DAB1: variants seen among roughly 807,000 people sequenced by gnomAD.
The protein encoded by DAB1 is DAB adaptor protein 1.
In DAB1, 15 loss-of-function variants were observed where a neutral mutation model predicts 64.6. That is an observed-to-expected ratio of 0.23 (90% CI 0.16 to 0.36). The LOEUF (loss-of-function observed/expected upper bound fraction) is 0.36. Among genes scored for constraint, DAB1 ranks in the 10% least tolerant of loss-of-function variants. The pLI is 1.00. For missense variants in DAB1, 596 were observed against 706.7 expected, an observed-to-expected ratio of 0.84 and a Z score of 1.78; for synonymous variants, 235 against 251.9, an observed-to-expected ratio of 0.93 and a Z score of 0.64.
At chr1:57,766,713 C>G (rs544998275) in intron 6 of DAB1, among the ~76,000 whole-genome samples, 10 of 151,856 alleles carry the variant, frequency 6.6e-5, no homozygotes, top group African/African-American at 2.2e-4. Flanking sequence ...ACACTCACTA[C>G]CTGGAGTTAG....
intron 3 of DAB1, among the ~76,000 whole-genome samples, chr1:58,439,003 G>C (rs572343124): frequency 1.3e-5 from 2 of 152,228 alleles, no homozygotes; most frequent in South Asian, 4.1e-4. Flanking sequence ...GGACTGCGAG[G>C]GGGTGGGGGC....
At chr1:57,271,100 T>C (rs911175155) in intron 2 of DAB1, among the ~76,000 whole-genome samples, 2 of 152,106 alleles carry the variant, frequency 1.3e-5, no homozygotes, top group Non-Finnish European at 2.9e-5. Flanking sequence ...ACCATCCAGT[T>C]GGTGTAAGCA....
chr1:57,052,697 C>T (rs1280863034), intron 9 of DAB1, among the ~76,000 whole-genome samples: 2 of 152,064 alleles, frequency 1.3e-5, no homozygotes, highest in African/African-American at 4.8e-5. Context: ...AACATGGTGA[C>T]AAATGGAATT....
At chr1:57,590,432 G>A (rs1372988769) in intron 7 of DAB1, among the ~76,000 whole-genome samples, 1 of 151,916 alleles carries the variant, frequency 6.6e-6, no homozygotes, top group Non-Finnish European at 1.5e-5. Flanking sequence ...CGATTCTCCT[G>A]CCTCAGCCTC....
chr1:57,158,264 T>C (rs72672660), intron 2 of DAB1, among the ~76,000 whole-genome samples: 12,530 of 152,220 alleles, frequency 0.082, 599 homozygotes, highest in Non-Finnish European at 0.11. Flanking sequence ...AAGCTAACCA[T>C]AGCAAAGTTG....
intron 1 of DAB1, among the ~76,000 whole-genome samples, chr1:58,527,730 A>G (rs1487105979): frequency 6.6e-6 from 1 of 152,198 alleles, no homozygotes; most frequent in Non-Finnish European, 1.5e-5. Flanking sequence ...ACGTAGGCAT[A>G]TAATATCCAA....
At chr1:58,539,189 G>A (rs181552885) in intron 1 of DAB1, 30 of 872,888 alleles carry the variant, frequency 3.4e-5, no homozygotes, top group Middle Eastern at 2.2e-4. Flanking sequence ...TGACAGCCCC[G>A]TGAGGTGGAT....
At chr1:57,827,694 T>C (rs1652411710) in intron 1 of DAB1, among the ~76,000 whole-genome samples, 1 of 152,162 alleles carries the variant, frequency 6.6e-6, no homozygotes, top group Admixed American at 6.5e-5. Context: ...TAAAGAGCCA[T>C]GTCTTCCACC....
intron 4 of DAB1, among the ~76,000 whole-genome samples, chr1:57,115,259 G>A: frequency 6.6e-6 from 1 of 152,174 alleles, no homozygotes; most frequent in East Asian, 1.9e-4. Context: ...TTTGTATCCT[G>A]AACAAGTTAC....
chr1:57,095,855 G>A (rs940641345), intron 4 of DAB1, among the ~76,000 whole-genome samples: 1 of 152,210 alleles, frequency 6.6e-6, no homozygotes, highest in African/African-American at 2.4e-5. Context: ...TAGCCTATAT[G>A]TAATTTGTTA....
At chr1:57,092,220 C>T (rs1050910740) in intron 4 of DAB1, among the ~76,000 whole-genome samples, 5 of 152,204 alleles carry the variant, frequency 3.3e-5, no homozygotes, top group Admixed American at 6.5e-5. Flanking sequence ...CTACTTCCTG[C>T]GTTTCAAGCA....
intron 2 of DAB1, among the ~76,000 whole-genome samples, chr1:58,522,015 C>T (rs934434741): frequency 3.3e-5 from 5 of 152,094 alleles, no homozygotes; most frequent in African/African-American, 1.2e-4. Context: ...CTAAACTAAG[C>T]ATTAAACCAA....
intron 4 of DAB1, among the ~76,000 whole-genome samples, chr1:58,296,932 A>T (rs1246788301): frequency 3.3e-5 from 5 of 152,190 alleles, no homozygotes; most frequent in Admixed American, 3.3e-4. Flanking sequence ...AATTAATTAA[A>T]ATGTTTCAGA....
intron 5 of DAB1, among the ~76,000 whole-genome samples, chr1:58,127,315 T>C (rs987526353): frequency 5.9e-5 from 9 of 152,172 alleles, no homozygotes; most frequent in African/African-American, 2.2e-4. Context: ...TGTTTGTTTT[T>C]TTCCTGCAAA....
At chr1:58,447,857 C>CAAAAAA (rs67071278) in intron 3 of DAB1, among the ~76,000 whole-genome samples, 11 of 44,010 alleles carry the variant, frequency 2.5e-4, no homozygotes, top group African/African-American at 5.4e-4. Context: ...ATGACTTAAA[C>CAAAAAA]AAAAAAAAAA....
chr1:57,045,416 G>A lies in DAB1; in HGVS notation c.723+17468C>T, dbSNP rs140729780. Among the ~76,000 whole-genome samples the A allele has an allele frequency of 8.7e-3, 1,321 of 152,320 alleles. 4 individuals are homozygous for A. Among genetic ancestry groups the A allele is most frequent in the African/African-American group, 0.018 (766 of 41,566 alleles). On this transcript the variant is annotated intron_variant, in intron 9 of 14. Coordinates refer to ENST00000371236, the MANE Select transcript of DAB1 (RefSeq NM_001365792.1). ...TTAAAATATAAGAAAGTAGGGTGGC[G>A]GCTGGGTGTGGTGGCTCATGCCTGT... is the stretch of plus-strand genomic sequence containing the variant.
intron 4 of DAB1, among the ~76,000 whole-genome samples, chr1:58,234,057 A>G (rs1659903801): frequency 6.6e-6 from 1 of 152,188 alleles, no homozygotes; most frequent in Non-Finnish European, 1.5e-5. Flanking sequence ...AAATTATACT[A>G]TTGGGTGACT....
intron 2 of DAB1, among the ~76,000 whole-genome samples, chr1:57,273,846 G>A (rs1224636771): frequency 6.6e-6 from 1 of 151,996 alleles, no homozygotes; most frequent in African/African-American, 2.4e-5. Context: ...AGTCGAGACT[G>A]AACAGAAAGA....
At position 58,283,965 on chromosome 1, in the gene DAB1, T is replaced by C. The variant is rs147633425; in HGVS notation, n.309+59387A>G. On this transcript the variant is annotated intron_variant and non_coding_transcript_variant, in intron 4 of 20. Transcript: ENST00000485760. Reference sequence around the variant, plus strand: ...ACATGTTTGCTGTGAAAGGCACAAATTGATGGATGGGAGGATGAATGGGTG... The same window carrying C: ...ACATGTTTGCTGTGAAAGGCACAAACTGATGGATGGGAGGATGAATGGGTG... 2.3e-3 allele frequency among the ~76,000 whole-genome samples: 352 copies of C among 152,314 alleles called. 4 individuals carry two copies. Among genetic ancestry groups the C allele is most frequent in the Middle Eastern group, 6.8e-3 (2 of 294 alleles).
Sources: gnomAD v4.1 joint callset for allele counts (sites outside exome capture counted in the v4.1 genomes callset) on GRCh38, gnomAD v4.1.1 for gene constraint, MANE v1.5 for transcripts, NCBI Gene and HGNC (gene_info 2026-07-23, HGNC 2026-07-21) for gene names.